The following SORBS2 variants were observed in gnomAD, a reference collection of about 807,000 sequenced individuals.
SORBS2 encodes sorbin and SH3 domain-containing protein 2.
Under a neutral mutation model 97.7 loss-of-function variants are expected in SORBS2, and 46 were observed. The observed-to-expected ratio is 0.47, with a 90% CI of 0.37 to 0.60. The LOEUF (loss-of-function observed/expected upper bound fraction) is 0.60, where lower values mean the gene tolerates loss of function less well. Ranked by LOEUF, SORBS2 falls within the 20% of genes least tolerant of loss-of-function variation. SORBS2 has a pLI of 0.00. For synonymous variants in SORBS2, 476 were observed against 473.4 expected (o/e 1.01, Z -0.07); for missense variants, 1,316 against 1,282.3 (o/e 1.03, Z -0.40).
At chr4:185,662,623 G>T (rs1244352886) in intron 4 of SORBS2, among the ~76,000 whole-genome samples, 1 of 152,198 alleles carries the variant, frequency 6.6e-6, no homozygotes, top group Non-Finnish European at 1.5e-5. Context: ...GTGCTGTTCC[G>T]CATGCAGCAT....
intron 7 of SORBS2, among the ~76,000 whole-genome samples, chr4:185,621,457 G>A (rs2096718507): frequency 6.6e-6 from 1 of 152,158 alleles, no homozygotes; most frequent in Non-Finnish European, 1.5e-5. Flanking sequence ...ACATAAAATT[G>A]AGAGATGGTT....
intron 1 of SORBS2, among the ~76,000 whole-genome samples, chr4:185,848,533 A>G (rs569589918): frequency 2.0e-4 from 30 of 152,136 alleles, no homozygotes; most frequent in African/African-American, 6.3e-4. Flanking sequence ...AAAGTCTTAG[A>G]AAAACTGTCA....
chr4:185,829,314 C>T (rs937969740), intron 1 of SORBS2, among the ~76,000 whole-genome samples: 1 of 152,186 alleles, frequency 6.6e-6, no homozygotes, highest in Non-Finnish European at 1.5e-5. Context: ...CTTCCCTATC[C>T]TTGTACTAAT....
At chr4:185,644,573 G>A (rs747851089) in intron 4 of SORBS2, among the ~76,000 whole-genome samples, 5 of 152,114 alleles carry the variant, frequency 3.3e-5, no homozygotes, top group Admixed American at 3.3e-4. Flanking sequence ...TCCTAGTTCT[G>A]GCTCCCACCA....
chr4:185,757,502 A>G (rs2098838245), intron 2 of SORBS2, among the ~76,000 whole-genome samples: 1 of 152,258 alleles, frequency 6.6e-6, no homozygotes, highest in African/African-American at 2.4e-5. Flanking sequence ...ATATTCAAGA[A>G]ACGTTAGAAA....
chr4:185,742,137 G>A (rs1269013496), intron 2 of SORBS2, among the ~76,000 whole-genome samples: 5 of 152,218 alleles, frequency 3.3e-5, no homozygotes, highest in African/African-American at 4.8e-5. Context: ...GCTCTCAGGG[G>A]CCAGCCCTGG....
At chr4:185,729,373 C>T (rs2098595546) in intron 2 of SORBS2, among the ~76,000 whole-genome samples, 1 of 152,224 alleles carries the variant, frequency 6.6e-6, no homozygotes. Flanking sequence ...CTGTAAGGAA[C>T]TATAGACAGG....
At chr4:185,681,817 C>T (rs1478890308) in intron 2 of SORBS2, among the ~76,000 whole-genome samples, 1 of 152,178 alleles carries the variant, frequency 6.6e-6, no homozygotes, top group African/African-American at 2.4e-5. Context: ...TGTTATCATT[C>T]TAACATGACA....
At chr4:185,795,245 CAA>C (rs2099099382) in intron 1 of SORBS2, among the ~76,000 whole-genome samples, 1 of 152,112 alleles carries the variant, frequency 6.6e-6, no homozygotes, top group Non-Finnish European at 1.5e-5. Flanking sequence ...CAGAGATAAA[CAA>C]AGTTTCCAAA....
chr4:185,626,268 A>C (rs1370329379), intron 6 of SORBS2, among the ~76,000 whole-genome samples: 1 of 152,240 alleles, frequency 6.6e-6, no homozygotes, highest in African/African-American at 2.4e-5. Context: ...CTGTGAATTG[A>C]CCACTGTGTT....
intron 1 of SORBS2, among the ~76,000 whole-genome samples, chr4:185,919,016 T>C (rs1476362873): frequency 6.6e-6 from 1 of 152,202 alleles, no homozygotes; most frequent in African/African-American, 2.4e-5. Flanking sequence ...TGTAACTCTT[T>C]AAATTATAGA....
chr4:185,782,431 C>T (rs1351157014), intron 1 of SORBS2, among the ~76,000 whole-genome samples: 3 of 152,174 alleles, frequency 2.0e-5, no homozygotes, highest in Non-Finnish European at 2.9e-5. Flanking sequence ...TTTTTCACAA[C>T]CATGTGATAC....
chr4:185,703,892 C>T (rs2098300799), intron 2 of SORBS2, among the ~76,000 whole-genome samples: 1 of 152,068 alleles, frequency 6.6e-6, no homozygotes, highest in Non-Finnish European at 1.5e-5. Flanking sequence ...TTATAAAGTG[C>T]TTGTGAAAAA....
At chr4:185,912,961 C>T (rs935650745) in intron 1 of SORBS2, among the ~76,000 whole-genome samples, 1 of 152,126 alleles carries the variant, frequency 6.6e-6, no homozygotes, top group African/African-American at 2.4e-5. Flanking sequence ...TTTATGGGTG[C>T]AATAAACACT....
intron 4 of SORBS2, among the ~76,000 whole-genome samples, chr4:185,676,423 A>T (rs191697007): frequency 6.6e-6 from 1 of 152,358 alleles, no homozygotes; most frequent in Admixed American, 6.5e-5. Flanking sequence ...ACACACATGG[A>T]AAGTTTTACT....
At chr4:185,827,902 A>G (rs1295823922) in intron 1 of SORBS2, among the ~76,000 whole-genome samples, 4 of 131,524 alleles carry the variant, frequency 3.0e-5, no homozygotes, top group African/African-American at 1.1e-4. Context: ...CACCATCATC[A>G]TCATACCATC....
intron 1 of SORBS2, among the ~76,000 whole-genome samples, chr4:185,781,653 C>T (rs1369408942): frequency 2.4e-5 from 1 of 41,790 alleles, no homozygotes; most frequent in South Asian, 4.9e-4. Context: ...GCCTCTCCAG[C>T]GTCCCTTCCA....
intron 1 of SORBS2, among the ~76,000 whole-genome samples, chr4:185,909,490 A>G (rs2149870693): frequency 6.6e-6 from 1 of 152,308 alleles, no homozygotes; most frequent in African/African-American, 2.4e-5. Flanking sequence ...CCGCTACACA[A>G]TATATCCACA....
intron 4 of SORBS2, among the ~76,000 whole-genome samples, chr4:185,664,015 C>T (rs1425454986): frequency 1.3e-5 from 2 of 151,756 alleles, no homozygotes; most frequent in Non-Finnish European, 2.9e-5. Context: ...CCACCACGCC[C>T]GGCTAATTTT....
Sources: allele counts gnomAD v4.1 joint callset (sites outside exome capture counted in the v4.1 genomes callset), GRCh38; gene constraint gnomAD v4.1.1; transcripts MANE v1.5; gene names NCBI Gene and HGNC (gene_info 2026-07-23, HGNC 2026-07-21).